Variants in SLC38A6 observed in about 807,000 individuals in gnomAD.
The protein encoded by SLC38A6 is solute carrier family 38 member 6.
Under a neutral mutation model 65.0 loss-of-function variants are expected in SLC38A6, and 73 were observed. That is an observed-to-expected ratio of 1.12 (90% confidence interval 0.93 to 1.37). The LOEUF (loss-of-function observed/expected upper bound fraction) is 1.37, where lower values mean the gene tolerates loss of function less well. SLC38A6 is among the 40% of genes most tolerant of loss of function. SLC38A6 has a pLI of 0.00. For missense variants in SLC38A6, 561 were observed against 531.1 expected (o/e 1.06, Z -0.55); for synonymous variants, 183 against 178.8 (o/e 1.02, Z -0.19).
At chr14:61,077,670 C>T (rs2043470865) in intron 15 of SLC38A6, among the ~76,000 whole-genome samples, 1 of 152,018 alleles carries the variant, frequency 6.6e-6, no homozygotes, top group Admixed American at 6.6e-5. Context: ...TCTTTGCTTT[C>T]ATTCATCCAG....
chr14:61,048,365 C>CTTTGTAA, intron 12 of SLC38A6: 1 of 321,730 alleles, frequency 3.1e-6, no homozygotes, highest in Non-Finnish European at 6.1e-6. Flanking sequence ...AAACTTAATA[C>CTTTGTAA]CCTGTTTGAC....
chr14:61,051,756 T>G (rs764006885), intron 13 of SLC38A6, 31 bp from the exon 14 acceptor site: 19 of 1,605,186 alleles, frequency 1.2e-5, no homozygotes, highest in Non-Finnish European at 1.6e-5. Flanking sequence ...ACATTTCCTC[T>G]TCGCTATATG....
intron 3 of SLC38A6, among the ~76,000 whole-genome samples, chr14:61,008,023 CTT>C (rs1423812395): frequency 6.6e-6 from 1 of 151,984 alleles, no homozygotes; most frequent in Non-Finnish European, 1.5e-5. Flanking sequence ...AGTTTTGTAA[CTT>C]AATTTTATGT....
chr14:61,014,217 C>G (rs183347280), intron 3 of SLC38A6, among the ~76,000 whole-genome samples: 1 of 152,084 alleles, frequency 6.6e-6, no homozygotes, highest in Non-Finnish European at 1.5e-5. Flanking sequence ...GTTCTCGTGC[C>G]GTGGTTTTCA....
chr14:61,039,524 A>ATT (rs5809078), intron 8 of SLC38A6, among the ~76,000 whole-genome samples: 2,472 of 130,500 alleles, frequency 0.019, 60 homozygotes, highest in African/African-American at 0.046. Context: ...GTGCATGCTA[A>ATT]TTTTTTTTTT....
chr14:61,012,814 A>C lies in SLC38A6; in HGVS notation c.311-3090A>C, dbSNP rs185152641. Reference sequence around the variant, plus strand: ...GTGCTTTACTTCCAACTATGTGGTCAGTTTTGGAATAGGTGTGGTGTGGTG... The same window carrying C: ...GTGCTTTACTTCCAACTATGTGGTCCGTTTTGGAATAGGTGTGGTGTGGTG... On this transcript the variant is annotated intron_variant, in intron 3 of 15. Transcript: ENST00000267488. Among the ~76,000 whole-genome samples, 18 of 152,296 alleles carry C rather than the reference A, an allele frequency of 1.2e-4. 1 individual carries two copies. The East Asian group carries it at 3.5e-3, about 29-fold the overall frequency.
At chr14:60,992,003 T>C (rs1480113313) in intron 3 of SLC38A6, among the ~76,000 whole-genome samples, 1 of 152,208 alleles carries the variant, frequency 6.6e-6, no homozygotes, top group African/African-American at 2.4e-5. Context: ...ATGTAGCGTT[T>C]ATTAAAGGTG....
chr14:61,006,084 T>C (rs1310476162), intron 3 of SLC38A6, among the ~76,000 whole-genome samples: 5 of 152,186 alleles, frequency 3.3e-5, no homozygotes, highest in African/African-American at 1.2e-4. Flanking sequence ...GGGAAGGGAT[T>C]CCCTATTTAA....
chr14:61,014,130 C>T (rs555088070), intron 3 of SLC38A6, among the ~76,000 whole-genome samples: 1 of 152,204 alleles, frequency 6.6e-6, no homozygotes, highest in South Asian at 2.1e-4. Context: ...TCATTTCATT[C>T]ATTTGATCTT....
rs1250893960 is a variant in SLC38A6, at chr14:61,036,976, G to A, written c.483-83G>A. 7.4e-6 allele frequency: 5 copies of A among 680,200 alleles called. No homozygotes were observed. The African/African-American group carries it at 9.0e-5, about 12-fold the overall frequency. The allele number at this position is 680,200 out of a possible 1,614,324, so 42.1% of individuals were successfully genotyped here. A position where few individuals can be genotyped will look rare whatever the true frequency, so the allele number is the denominator to read the frequency against. On this transcript the variant is annotated intron_variant, in intron 6 of 15. Coordinates refer to ENST00000267488, the MANE Select transcript of SLC38A6 (RefSeq NM_153811.3). ...GTTATAACTCTGTGTGTGTGTGTGTGTGTGTGTGTGTGTGTGTGTGTGTGT... is the reference window on the plus strand; with the variant it reads ...GTTATAACTCTGTGTGTGTGTGTGTATGTGTGTGTGTGTGTGTGTGTGTGT...
intron 3 of SLC38A6, among the ~76,000 whole-genome samples, chr14:61,010,152 ATG>A (rs1375886509): frequency 6.6e-6 from 1 of 152,006 alleles, no homozygotes; most frequent in Non-Finnish European, 1.5e-5. Context: ...GCATTTTTTC[ATG>A]TGTTTTTTGG....
rs2043251481 is a variant in SLC38A6 at position 61,072,186 on chromosome 14, GA to G, written c.1291-6621del. Among the ~76,000 whole-genome samples, 8 of 152,130 alleles carry G rather than the reference GA, an allele frequency of 5.3e-5. No homozygotes were observed. The South Asian group carries it at 1.7e-3, about 32-fold the overall frequency. ...CTCAAATGACACATAAGTGAAAAGA[GA>G]AAGCCCGCTTCCAAAGGCACTTTTA... On this transcript the variant is annotated intron_variant, in intron 15 of 16. Coordinates refer to the SLC38A6 transcript ENST00000354886.
chr14:61,052,092 T>C lies in SLC38A6; in HGVS notation c.1247T>C (p.Leu416Pro), dbSNP rs1029616766. The change falls in exon 15 of 16, where the codon CTT becomes CCT. Residue 416 changes from leucine to proline, a missense_variant. Leu to Pro is a moderately conservative substitution (Grantham distance 98). Coordinates refer to ENST00000267488, the MANE Select transcript of SLC38A6 (RefSeq NM_153811.3). ...TTTATATTCCCAGGACTATTTTATC[T>C]TAAACTTAGCAGAGAGGATTTTCTG... ...LIFIFPGLFY[L>P]KLSREDFLSW... 4 of 1,578,820 alleles carry C rather than the reference T, an allele frequency of 2.5e-6. No individual in the cohort carries two copies. The highest frequency in any genetic ancestry group is 3.4e-6 in the Non-Finnish European group (4 of 1,171,294).
At chr14:61,061,112 G>T (rs564348754) in intron 15 of SLC38A6, among the ~76,000 whole-genome samples, 3 of 152,068 alleles carry the variant, frequency 2.0e-5, no homozygotes, top group African/African-American at 4.8e-5. Flanking sequence ...GCTGTAGACC[G>T]GAGCTGTTCC....
At chr14:61,028,965 G>T (rs974231777) in intron 5 of SLC38A6, among the ~76,000 whole-genome samples, 5 of 152,044 alleles carry the variant, frequency 3.3e-5, no homozygotes, top group African/African-American at 9.7e-5. Flanking sequence ...AAATGATGTT[G>T]ATTGAGAAAT....
intron 3 of SLC38A6, among the ~76,000 whole-genome samples, chr14:60,992,219 C>G (rs2037952863): frequency 6.6e-6 from 1 of 152,174 alleles, no homozygotes. Context: ...TCAGCTACCT[C>G]TGATATTGGA....
intron 15 of SLC38A6, among the ~76,000 whole-genome samples, chr14:61,074,261 G>C (rs911707697): frequency 3.3e-5 from 5 of 152,226 alleles, no homozygotes; most frequent in South Asian, 2.1e-4. Context: ...GAAGCAGTAA[G>C]TAAAGTTGAA....
At chr14:61,030,166 A>T (rs74977106) in intron 5 of SLC38A6, among the ~76,000 whole-genome samples, 1,950 of 152,266 alleles carry the variant, frequency 0.013, 44 homozygotes, top group African/African-American at 0.045. Flanking sequence ...CCTGTAATCA[A>T]GACTGTTTCT....
In SLC38A6 at chr14:61,051,845, AT is replaced by A; in HGVS notation, c.1115del (p.Leu372Ter). ...AATTTTCCATTCTCATGGATTCGCC[AT>A]TTTTTGATCACTCTAGCACTCAATA... ...FSNFPFSWIR[H>X]FLITLALNII... On this transcript the variant is annotated frameshift_variant, in exon 14 of 16. Coordinates refer to ENST00000267488, the MANE Select transcript of SLC38A6 (RefSeq NM_153811.3). LOFTEE classifies it high-confidence loss of function. The A allele has an allele frequency of 1.2e-6, 2 of 1,612,606 alleles. No individual in the cohort carries two copies. The highest frequency in any genetic ancestry group is 8.5e-7 in the Non-Finnish European group (1 of 1,179,364).
Sources: gnomAD v4.1 joint callset for allele counts (sites outside exome capture counted in the v4.1 genomes callset) on GRCh38, gnomAD v4.1.1 for gene constraint, MANE v1.5 for transcripts, NCBI Gene and HGNC (gene_info 2026-07-23, HGNC 2026-07-21) for gene names.